Variants in FAM228B observed in about 807,000 individuals in gnomAD.
FAM228B encodes protein FAM228B.
FAM228B carries 38 observed loss-of-function variants against 42.6 expected under a neutral mutation model. The ratio of observed to expected loss-of-function variants is 0.89; its 90% CI spans 0.69 to 1.17. FAM228B has a LOEUF of 1.17. FAM228B is among the 50% of genes most tolerant of loss of function. FAM228B has a pLI of 0.00. For synonymous variants in FAM228B, 109 were observed against 122.3 expected (o/e 0.89, Z 0.72); for missense variants, 344 against 367.3 (o/e 0.94, Z 0.52).
intron 7 of FAM228B, among the ~76,000 whole-genome samples, chr2:24,153,615 A>G (rs1667069740): frequency 6.6e-6 from 1 of 152,188 alleles, no homozygotes; most frequent in African/African-American, 2.4e-5. Flanking sequence ...TTTAAGCAGA[A>G]GGAAGGTGTC....
Position 24,169,362 on chromosome 2 carries a change from G to C in FAM228B, c.*21G>C. The C allele has an allele frequency of 2.1e-6, 1 of 467,628 alleles. No homozygotes were observed. The highest frequency in any genetic ancestry group is 4.5e-6 in the Non-Finnish European group (1 of 224,330). 29.0% of individuals were successfully genotyped at this position (467,628 alleles called of 1,614,324 possible). The stretch of plus-strand genomic sequence containing the variant: ...CTTTTGTCACCTTCAAAAGGTTTCA[G>C]CAACCAAGGAGCACACACCCTGATC... On this transcript the variant is annotated 3_prime_UTR_variant, in exon 11 of 11. Transcript: ENST00000615575. This position sits in a 1 kb window ranked among gnomAD's most constrained non-coding sequence, Gnocchi z 4.2.
chr2:24,117,447 T>C lies in FAM228B; in HGVS notation c.-120-17672T>C, dbSNP rs1441758646. Among the ~76,000 whole-genome samples the C allele has an allele frequency of 9.9e-5, 15 of 151,878 alleles. No individual in the cohort carries two copies. The South Asian group carries it at 1.5e-3, about 15-fold the overall frequency. ...AATGGTCATAGTTCTTCTTCTTCTT[T>C]TTTTTTTTTTCTCGAGACAGAGTCT... On this transcript the variant is annotated intron_variant, in intron 3 of 10. Transcript: ENST00000613899.
At chr2:24,128,469 A>G (rs995863146) in intron 2 of FAM228B, among the ~76,000 whole-genome samples, 1 of 152,196 alleles carries the variant, frequency 6.6e-6, no homozygotes, top group Non-Finnish European at 1.5e-5. Context: ...TACAGGAATA[A>G]TAACTTTTAA....
intron 2 of FAM228B, among the ~76,000 whole-genome samples, chr2:24,125,337 TG>T (rs779480845): frequency 6.6e-6 from 1 of 152,150 alleles, no homozygotes; most frequent in Non-Finnish European, 1.5e-5. Context: ...GAGCTGTGAT[TG>T]TGCCACTGCA....
At chr2:24,115,761 G>C in intron 3 of FAM228B, 2 of 800,928 alleles carry the variant, frequency 2.5e-6, no homozygotes, top group East Asian at 2.6e-5. Flanking sequence ...AGGGTGACTG[G>C]ATAGTTGAAA....
intron 7 of FAM228B, among the ~76,000 whole-genome samples, chr2:24,156,338 A>G (rs372712898): frequency 6.6e-6 from 1 of 151,952 alleles, no homozygotes; most frequent in African/African-American, 2.4e-5. Context: ...TCTCCTTCTA[A>G]TTTGCCCCTT....
At chr2:24,117,614 T>C (rs771095691) in intron 3 of FAM228B, among the ~76,000 whole-genome samples, 6 of 152,056 alleles carry the variant, frequency 3.9e-5, no homozygotes, top group Non-Finnish European at 5.9e-5. Flanking sequence ...AGCTAATTTT[T>C]GTATTTTTAG....
At position 24,123,524 on chromosome 2, in the gene FAM228B, C is replaced by T. The variant is rs1573756635; in HGVS notation, c.-42C>T. The T allele has an allele frequency of 1.3e-5, 2 of 152,278 alleles. No individual in the cohort carries two copies. Among genetic ancestry groups the T allele is most frequent in the South Asian group, 2.1e-4 (1 of 4,834 alleles). The allele number at this position is 152,278 out of a possible 1,614,324, so 9.4% of individuals were successfully genotyped here. A position where few individuals can be genotyped will look rare whatever the true frequency, so the allele number is the denominator to read the frequency against. On this transcript the variant is annotated 5_prime_UTR_variant, in exon 1 of 11. Coordinates refer to ENST00000615575, the MANE Select transcript of FAM228B (RefSeq NM_001145710.2). Reference sequence around the variant, plus strand: ...GCGGAGTGCTCGCGCGGCGCTGCGTCCGGGAGACGGTGGGCGCCAACATTC... The same window carrying T: ...GCGGAGTGCTCGCGCGGCGCTGCGTTCGGGAGACGGTGGGCGCCAACATTC...
chr2:24,117,898 T>C (rs984764498), intron 3 of FAM228B, among the ~76,000 whole-genome samples: 1 of 152,232 alleles, frequency 6.6e-6, no homozygotes, highest in Non-Finnish European at 1.5e-5. Flanking sequence ...TTCCTGATCA[T>C]ACGACCATTT....
chr2:24,081,780 AC>A (rs1286609978), intron 2 of FAM228B, among the ~76,000 whole-genome samples: 8 of 118,440 alleles, frequency 6.8e-5, no homozygotes, highest in African/African-American at 2.3e-4. Context: ...GCTCTGCCCC[AC>A]CCCCCCTGCG....
At position 24,093,906 on chromosome 2, in the gene FAM228B, C is replaced by T. The variant is rs141248828; in HGVS notation, c.-209-1235C>T. On this transcript the variant is annotated intron_variant, in intron 2 of 10. Coordinates refer to the FAM228B transcript ENST00000613899. ...TGCTGGGATTACAGGTATGAGCCAC[C>T]GCTCCTGGCTGCATGTGTCTTTGTA... Among the ~76,000 whole-genome samples, 5 of 151,978 alleles carry T rather than the reference C, an allele frequency of 3.3e-5. No individual in the cohort carries two copies. The East Asian group carries it at 5.8e-4, about 18-fold the overall frequency.
chr2:24,155,467 C>T (rs772743668), intron 7 of FAM228B, among the ~76,000 whole-genome samples: 18 of 140,552 alleles, frequency 1.3e-4, no homozygotes, highest in Non-Finnish European at 2.1e-4. Context: ...TCTTTACACA[C>T]TAAGCAAGTG....
intron 2 of FAM228B, among the ~76,000 whole-genome samples, chr2:24,092,968 C>CACA (rs1665422595): frequency 1.2e-5 from 1 of 81,730 alleles, no homozygotes; most frequent in East Asian, 5.0e-4. Context: ...ACACACACAC[C>CACA]ATGTACAGAG....
chr2:24,141,082 C>T (rs1666733347), intron 5 of FAM228B, among the ~76,000 whole-genome samples: 1 of 151,638 alleles, frequency 6.6e-6, no homozygotes, highest in East Asian at 1.9e-4. Flanking sequence ...AAAATAGATA[C>T]CTTTTTTTTT....
intron 7 of FAM228B, among the ~76,000 whole-genome samples, chr2:24,155,531 A>ATATATATATATTTTT (rs1558393367): frequency 7.7e-5 from 1 of 13,038 alleles, no homozygotes; most frequent in East Asian, 2.3e-3. Context: ...ATATATATAT[A>ATATATATATATTTTT]TTTTTTTTTT....
Position 24,146,966 on chromosome 2 carries a change from A to G in FAM228B, c.566A>G (p.Glu189Gly). 3.2e-6 allele frequency: 5 copies of G among 1,551,492 alleles called. No homozygotes were observed. Among genetic ancestry groups the G allele is most frequent in the Non-Finnish European group, 4.4e-6 (5 of 1,146,836 alleles). ...IYSIKEFKEVEKVQLHSRFPQ... is the reference protein window; with the variant it reads ...IYSIKEFKEVGKVQLHSRFPQ... ...TCAATAAAGGAATTCAAAGAAGTTG[A>G]GAAGGTTCAGCTGCATTCCAGATTC... Residue 189 changes from glutamate (E) to glycine (G), a missense_variant, in exon 7 of 11, where the codon GAG becomes GGG. Coordinates refer to ENST00000615575, the MANE Select transcript of FAM228B (RefSeq NM_001145710.2).
chr2:24,083,926 C>A (rs770126911), intron 2 of FAM228B, among the ~76,000 whole-genome samples: 4 of 152,154 alleles, frequency 2.6e-5, no homozygotes, highest in Non-Finnish European at 5.9e-5. Flanking sequence ...GTGCCCACAC[C>A]CCACAACAAT....
intron 7 of FAM228B, among the ~76,000 whole-genome samples, chr2:24,160,798 C>T (rs1008853324): frequency 6.6e-6 from 1 of 152,162 alleles, no homozygotes; most frequent in Non-Finnish European, 1.5e-5. Flanking sequence ...GATTGGAGGA[C>T]TCTAAGATAC....
At position 24,123,513 on chromosome 2, in the gene FAM228B, C is replaced by G. The variant is rs1489570666; in HGVS notation, c.-53C>G. ...CGGCGCAGGGGGCGGAGTGCTCGCG[C>G]GGCGCTGCGTCCGGGAGACGGTGGG... On this transcript the variant is annotated 5_prime_UTR_variant, in exon 1 of 11. Transcript: ENST00000615575. 6.6e-6 allele frequency: 1 copy of G among 152,176 alleles called. No homozygotes were observed. The highest frequency in any genetic ancestry group is 1.5e-5 in the Non-Finnish European group (1 of 68,048). The allele number at this position is 152,176 out of a possible 1,614,324, so 9.4% of individuals were successfully genotyped here.
Sources: allele counts gnomAD v4.1 joint callset (sites outside exome capture counted in the v4.1 genomes callset), GRCh38; gene constraint gnomAD v4.1.1; non-coding constraint Gnocchi (gnomAD v3.1); transcripts MANE v1.5; gene names NCBI Gene and HGNC (gene_info 2026-07-23, HGNC 2026-07-21).